Variants in CCDC7 observed in about 807,000 individuals in gnomAD.
The protein encoded by CCDC7 is coiled-coil domain containing 7.
A neutral mutation model predicts 196.9 loss-of-function variants in CCDC7; 183 were observed. That is an observed-to-expected ratio of 0.93 (90% CI 0.82 to 1.05). The LOEUF (loss-of-function observed/expected upper bound fraction) is 1.05, where lower values mean the gene tolerates loss of function less well. Ranked by LOEUF, CCDC7 falls within the 50% of genes least tolerant of loss-of-function variation. CCDC7 has a pLI of 0.00. For synonymous variants in CCDC7, 525 were observed against 484.6 expected, an observed-to-expected ratio of 1.08 and a Z score of -1.10; for missense variants, 1,540 against 1,482.2, an observed-to-expected ratio of 1.04 and a Z score of -0.64.
At chr10:32,556,551 T>C (rs2054381316) in intron 13 of CCDC7, among the ~76,000 whole-genome samples, 1 of 152,206 alleles carries the variant, frequency 6.6e-6, no homozygotes, top group African/African-American at 2.4e-5. Flanking sequence ...TATTTGAATA[T>C]TATGATTTCT....
rs527614784 is a variant in CCDC7, at chr10:32,541,151, C to T, written c.994-2149C>T. Among the ~76,000 whole-genome samples the T allele has an allele frequency of 3.1e-4, 47 of 151,688 alleles. No individual in the cohort carries two copies. The South Asian group carries it at 9.6e-3, about 31-fold the overall frequency. The stretch of plus-strand genomic sequence containing the variant: ...TGCTCGCCCTGCCTTCTGGGTGTTT[C>T]CAGGGTAGCAGGAGGCAAATTCAGG... On this transcript the variant is annotated intron_variant, in intron 11 of 41. Coordinates refer to ENST00000639629, the Ensembl canonical transcript of CCDC7.
In CCDC7 at chr10:32,652,917, G is replaced by A. The variant is rs1465200851; in HGVS notation, c.2015-11137G>A. 2.6e-5 allele frequency among the ~76,000 whole-genome samples: 4 copies of A among 152,100 alleles called. No individual in the cohort carries two copies. In the South Asian group the frequency reaches 6.2e-4, roughly 24 times the overall value. On this transcript the variant is annotated intron_variant, in intron 20 of 41. Coordinates refer to ENST00000639629, the Ensembl canonical transcript of CCDC7. ...TTTTATAAAAAATTTCTGATGTTTCGTTGTTAAACATTAGAATCCTTTGCC... is the reference window on the plus strand; with the variant it reads ...TTTTATAAAAAATTTCTGATGTTTCATTGTTAAACATTAGAATCCTTTGCC...
chr10:32,507,926 T>G (rs1387055210), intron 9 of CCDC7, among the ~76,000 whole-genome samples: 2 of 151,970 alleles, frequency 1.3e-5, no homozygotes, highest in Non-Finnish European at 2.9e-5. Context: ...CACTCAGTGG[T>G]GAATAGTTGA....
chr10:32,692,038 A>G (rs1445404884), intron 23 of CCDC7, among the ~76,000 whole-genome samples: 4 of 152,208 alleles, frequency 2.6e-5, no homozygotes, highest in Non-Finnish European at 5.9e-5. Context: ...TAAGTTAAAC[A>G]AGATTATTGC....
chr10:32,610,607 G>A (rs1273166148), intron 18 of CCDC7, among the ~76,000 whole-genome samples: 1 of 152,072 alleles, frequency 6.6e-6, no homozygotes, highest in Non-Finnish European at 1.5e-5. Flanking sequence ...GGTTTGTGAT[G>A]TTCCCCTCCG....
chr10:32,495,878 C>CT (rs2042841033), intron 9 of CCDC7, among the ~76,000 whole-genome samples: 1 of 152,186 alleles, frequency 6.6e-6, no homozygotes, highest in East Asian at 1.9e-4. Flanking sequence ...TATGAGGGCT[C>CT]TTTTTTGGTT....
chr10:32,477,879 G>T (rs1265518558), intron 8 of CCDC7, among the ~76,000 whole-genome samples: 2 of 152,102 alleles, frequency 1.3e-5, no homozygotes, highest in African/African-American at 4.8e-5. Context: ...AAAATACCTT[G>T]CTGGGATTTT....
At chr10:32,610,264 C>T (rs1164854255) in intron 18 of CCDC7, among the ~76,000 whole-genome samples, 1 of 151,874 alleles carries the variant, frequency 6.6e-6, no homozygotes, top group Non-Finnish European at 1.5e-5. Flanking sequence ...GCCACCACAC[C>T]CGGCTAATTT....
At chr10:32,567,448 A>G (rs547733501) in intron 14 of CCDC7, among the ~76,000 whole-genome samples, 6 of 152,252 alleles carry the variant, frequency 3.9e-5, no homozygotes. Flanking sequence ...GGGTATAAAA[A>G]TAGCCCTCAA....
intron 18 of CCDC7, among the ~76,000 whole-genome samples, chr10:32,620,903 C>G (rs2063342111): frequency 6.6e-6 from 1 of 152,126 alleles, no homozygotes. Context: ...GTTTTAGTGT[C>G]TTCATAGCCA....
At chr10:32,501,921 T>A (rs1223012124) in intron 9 of CCDC7, among the ~76,000 whole-genome samples, 1 of 152,218 alleles carries the variant, frequency 6.6e-6, no homozygotes, top group East Asian at 1.9e-4. Flanking sequence ...GATGTTTAAG[T>A]CTGCTGAAGC....
chr10:32,623,592 C>A, intron 18 of CCDC7: 1 of 387,556 alleles, frequency 2.6e-6, no homozygotes, highest in Non-Finnish European at 5.2e-6. Flanking sequence ...AGTTGCCTTA[C>A]CTCAATAAAT....
At position 32,456,236 on chromosome 10, in the gene CCDC7, T is replaced by G; in HGVS notation, c.373-15T>G. 1 of 1,516,328 alleles carries G rather than the reference T, an allele frequency of 6.6e-7. No homozygotes were observed. The highest frequency in any genetic ancestry group is 8.9e-7 in the Non-Finnish European group (1 of 1,117,328). The allele number at this position is 1,516,328 out of a possible 1,614,324, so 93.9% of individuals were successfully genotyped here. A position where few individuals can be genotyped will look rare whatever the true frequency, so the allele number is the denominator to read the frequency against. On this transcript the variant is annotated splice_polypyrimidine_tract_variant and intron_variant, in intron 2 of 41. Coordinates refer to ENST00000639629, the Ensembl canonical transcript of CCDC7. ...TCTTAAATGTAACTTTATGTTTTAT[T>G]ATTCTTTTCAAAAGGTTGGGGATGA...
intron 31 of CCDC7, among the ~76,000 whole-genome samples, chr10:32,819,688 G>A (rs1241433697): frequency 1.3e-5 from 2 of 152,156 alleles, no homozygotes; most frequent in African/African-American, 2.4e-5. Context: ...ACGTGATCCA[G>A]CATATAAACA....
At chr10:32,738,704 G>C (rs1418631826) in intron 28 of CCDC7, among the ~76,000 whole-genome samples, 1 of 151,786 alleles carries the variant, frequency 6.6e-6, no homozygotes, top group African/African-American at 2.4e-5. Context: ...GAACTCCTGA[G>C]CTCAAGCAAT....
At chr10:32,561,761 A>C (rs1190474658) in intron 13 of CCDC7, among the ~76,000 whole-genome samples, 1 of 152,242 alleles carries the variant, frequency 6.6e-6, no homozygotes, top group African/African-American at 2.4e-5. Context: ...AAGAGCAAAC[A>C]CATTCAAAAG....
At chr10:32,473,241 T>A (rs575919551) in intron 7 of CCDC7, among the ~76,000 whole-genome samples, 2 of 152,074 alleles carry the variant, frequency 1.3e-5, no homozygotes, top group East Asian at 3.9e-4. Flanking sequence ...ACCTAAGGAG[T>A]TAGAAGGCTT....
intron 31 of CCDC7, among the ~76,000 whole-genome samples, chr10:32,819,768 C>G (rs921272661): frequency 2.6e-5 from 4 of 152,136 alleles, no homozygotes; most frequent in African/African-American, 9.7e-5. Flanking sequence ...ATTCAACAAC[C>G]TTCATGCTAA....
intron 18 of CCDC7, among the ~76,000 whole-genome samples, chr10:32,632,345 A>C (rs970112081): frequency 1.1e-4 from 17 of 151,888 alleles, no homozygotes; most frequent in African/African-American, 4.1e-4. Flanking sequence ...CGAACTATTG[A>C]GATGATTATA....
Sources: gnomAD v4.1 joint callset for allele counts (sites outside exome capture counted in the v4.1 genomes callset) on GRCh38, gnomAD v4.1.1 for gene constraint, MANE v1.5 for transcripts, NCBI Gene and HGNC (gene_info 2026-07-23, HGNC 2026-07-21) for gene names.